TMEM132D: variants seen among roughly 807,000 people sequenced by gnomAD.
TMEM132D encodes the protein transmembrane protein 132D.
A neutral mutation model predicts 62.3 loss-of-function variants in TMEM132D; 21 were observed. The observed-to-expected ratio is 0.34, with a 90% CI of 0.24 to 0.49. TMEM132D has a LOEUF of 0.49. TMEM132D is among the 20% of genes least tolerant of loss of function. The pLI, the probability that TMEM132D is intolerant of heterozygous loss-of-function variation, is 0.99. For synonymous variants in TMEM132D, 621 were observed against 575.6 expected (o/e 1.08, Z -1.13); for missense variants, 1,346 against 1,402.8 (o/e 0.96, Z 0.65).
chr12:129,753,274 A>G (rs1870059184), intron 1 of TMEM132D, among the ~76,000 whole-genome samples: 1 of 152,192 alleles, frequency 6.6e-6, no homozygotes, highest in African/African-American at 2.4e-5. Flanking sequence ...ATTCTTCATC[A>G]TTGTCCAAAA....
intron 5 of TMEM132D, among the ~76,000 whole-genome samples, chr12:129,197,796 T>C (rs1878589653): frequency 6.6e-6 from 1 of 152,162 alleles, no homozygotes; most frequent in South Asian, 2.1e-4. Flanking sequence ...TGAAATTGAA[T>C]GAAACATAAA....
At chr12:129,107,000 A>G (rs914793153) in intron 5 of TMEM132D, among the ~76,000 whole-genome samples, 1 of 152,174 alleles carries the variant, frequency 6.6e-6, no homozygotes, top group African/African-American at 2.4e-5. Flanking sequence ...CCCCTAACTG[A>G]TCCTGACTAA....
chr12:129,789,858 A>C (rs1417244633), intron 1 of TMEM132D, among the ~76,000 whole-genome samples: 2 of 152,232 alleles, frequency 1.3e-5, no homozygotes, highest in African/African-American at 4.8e-5. Flanking sequence ...TAAATCTAAC[A>C]AACAATTTAA....
chr12:129,655,343 T>C (rs1880045670), intron 2 of TMEM132D, among the ~76,000 whole-genome samples: 1 of 151,212 alleles, frequency 6.6e-6, no homozygotes, highest in Non-Finnish European at 1.5e-5. Context: ...GCCTCCCTGG[T>C]TCAAGCAATT....
In TMEM132D at chr12:129,129,770, T is replaced by C. The variant is rs112690946; in HGVS notation, c.1444-45068A>G. Among the ~76,000 whole-genome samples the C allele has an allele frequency of 1.3e-5, 2 of 152,310 alleles. 1 individual carries two copies. Among genetic ancestry groups the C allele is most frequent in the African/African-American group, 4.8e-5 (2 of 41,570 alleles). ...TGTGGGGCATCTTTTCATGTTCTTG[T>C]TGGCCGCTCGTATGTCTTCTGCTGA... On this transcript the variant is annotated intron_variant, in intron 5 of 8. Coordinates refer to ENST00000422113, the MANE Select transcript of TMEM132D (RefSeq NM_133448.3).
At chr12:129,709,298 C>T (rs1881583653) in intron 1 of TMEM132D, among the ~76,000 whole-genome samples, 2 of 152,276 alleles carry the variant, frequency 1.3e-5, no homozygotes, top group South Asian at 4.1e-4. Flanking sequence ...TACAGAAATA[C>T]TCTGAAAAAT....
chr12:129,541,621 G>T (rs73155273), intron 2 of TMEM132D, among the ~76,000 whole-genome samples: 24,902 of 151,962 alleles, frequency 0.16, 2,503 homozygotes, highest in East Asian at 0.42. Flanking sequence ...ACCAATAAAC[G>T]ACAACACATT....
intron 5 of TMEM132D, among the ~76,000 whole-genome samples, chr12:129,197,813 T>C (rs879807995): frequency 1.3e-5 from 2 of 152,230 alleles, no homozygotes; most frequent in African/African-American, 2.4e-5. Context: ...TAAACATTTC[T>C]ACACAGCAAA....
intron 4 of TMEM132D, among the ~76,000 whole-genome samples, chr12:129,281,027 T>C (rs7302528): frequency 0.93 from 141,410 of 152,068 alleles, 66,517 homozygotes; most frequent in East Asian, 1. Flanking sequence ...CTTTCTCTGG[T>C]GAATATGAAA....
intron 5 of TMEM132D, among the ~76,000 whole-genome samples, chr12:129,120,923 T>A (rs1428498813): frequency 2.6e-5 from 4 of 152,046 alleles, no homozygotes; most frequent in Non-Finnish European, 5.9e-5. Context: ...AAAATGCTGA[T>A]AAAAAACAAT....
At chr12:129,860,031 T>C (rs1873841611) in intron 1 of TMEM132D, among the ~76,000 whole-genome samples, 1 of 152,174 alleles carries the variant, frequency 6.6e-6, no homozygotes. Flanking sequence ...ACATTTCACA[T>C]AAAAATGTGC....
chr12:129,635,742 T>A (rs1224323978), intron 2 of TMEM132D, among the ~76,000 whole-genome samples: 2 of 152,136 alleles, frequency 1.3e-5, no homozygotes, highest in Non-Finnish European at 2.9e-5. Context: ...CTGTAAAATA[T>A]TTATAGAGGT....
At chr12:129,271,817 G>A (rs1353594364) in intron 4 of TMEM132D, among the ~76,000 whole-genome samples, 1 of 151,974 alleles carries the variant, frequency 6.6e-6, no homozygotes, top group Middle Eastern at 3.4e-3. Context: ...TCATTGATGG[G>A]CATTTAGGTT....
At chr12:129,228,638 C>A (rs1043362268) in intron 4 of TMEM132D, among the ~76,000 whole-genome samples, 8 of 152,268 alleles carry the variant, frequency 5.3e-5, no homozygotes, top group African/African-American at 1.9e-4. Flanking sequence ...AGACTGGCTG[C>A]TTTCACGTAC....
chr12:129,603,654 A>G (rs1878540441), intron 2 of TMEM132D, among the ~76,000 whole-genome samples: 1 of 152,248 alleles, frequency 6.6e-6, no homozygotes, highest in African/African-American at 2.4e-5. Flanking sequence ...GCAATCATTA[A>G]AAAGTCTGGA....
chr12:129,692,858 T>G (rs1461330479), intron 2 of TMEM132D, among the ~76,000 whole-genome samples: 1 of 150,842 alleles, frequency 6.6e-6, no homozygotes, highest in Admixed American at 6.6e-5. Context: ...GGGAGGGCAG[T>G]GGGGGGAGAG....
At chr12:129,714,146 T>C (rs1868479762) in intron 1 of TMEM132D, among the ~76,000 whole-genome samples, 1 of 152,212 alleles carries the variant, frequency 6.6e-6, no homozygotes, top group African/African-American at 2.4e-5. Flanking sequence ...ACTGGCTGTT[T>C]CCTGCACCTG....
intron 4 of TMEM132D, among the ~76,000 whole-genome samples, chr12:129,305,401 C>A (rs964758329): frequency 5.3e-5 from 8 of 152,148 alleles, no homozygotes; most frequent in African/African-American, 1.4e-4. Flanking sequence ...ACTGCCTGTC[C>A]TGAGGCTTGG....
At chr12:129,546,880 C>T (rs553005988) in intron 2 of TMEM132D, among the ~76,000 whole-genome samples, 38 of 152,138 alleles carry the variant, frequency 2.5e-4, no homozygotes, top group Non-Finnish European at 3.4e-4. Context: ...TTCTGAAAGA[C>T]ATCTTTGCAA....
Sources: allele counts gnomAD v4.1 joint callset (sites outside exome capture counted in the v4.1 genomes callset), GRCh38; gene constraint gnomAD v4.1.1; transcripts MANE v1.5; gene names NCBI Gene and HGNC (gene_info 2026-07-23, HGNC 2026-07-21).